ALDH1L1: variants seen among roughly 807,000 people sequenced by gnomAD.
ALDH1L1 encodes the protein cytosolic 10-formyltetrahydrofolate dehydrogenase.
A neutral mutation model predicts 101.1 loss-of-function variants in ALDH1L1; 68 were observed. The observed-to-expected ratio is 0.67, with a 90% CI of 0.55 to 0.82. ALDH1L1 has a LOEUF of 0.82. Ranked by LOEUF, ALDH1L1 falls within the 40% of genes least tolerant of loss-of-function variation. The pLI, the probability that ALDH1L1 is intolerant of heterozygous loss-of-function variation, is 0.00. For missense variants in ALDH1L1, 1,087 were observed against 1,172.7 expected (o/e 0.93, Z 1.07); for synonymous variants, 486 against 470.8 (o/e 1.03, Z -0.42).
At chr3:126,153,845 C>G (rs2080854893) in intron 6 of ALDH1L1, among the ~76,000 whole-genome samples, 1 of 152,234 alleles carries the variant, frequency 6.6e-6, no homozygotes, top group Non-Finnish European at 1.5e-5. Flanking sequence ...CCCATGGCCT[C>G]AGACCTGAGG....
chr3:126,104,204 C>G (rs1945779912), intron 22 of ALDH1L1: 1 of 308,014 alleles, frequency 3.2e-6, no homozygotes, highest in Non-Finnish European at 6.1e-6. Context: ...CTGCCCCCAG[C>G]TACGTCTGCA....
chr3:126,177,557 G>T (rs1214266753), intron 1 of ALDH1L1, among the ~76,000 whole-genome samples: 1 of 151,930 alleles, frequency 6.6e-6, no homozygotes, highest in Non-Finnish European at 1.5e-5. Context: ...AGGTAGGGGG[G>T]TTGGGGGGTG....
intron 17 of ALDH1L1, among the ~76,000 whole-genome samples, chr3:126,116,420 G>T (rs1332472775): frequency 1.3e-5 from 2 of 151,894 alleles, no homozygotes; most frequent in African/African-American, 2.4e-5. Flanking sequence ...ACTACATATT[G>T]ATGGTAAAAT....
chr3:126,157,616 G>T (rs139835693), intron 3 of ALDH1L1, 108 bp from the exon 4 acceptor site: 2 of 1,275,630 alleles, frequency 1.6e-6, no homozygotes, highest in Non-Finnish European at 2.2e-6. Context: ...TCTCTTCCCA[G>T]GGGTAGGACT....
chr3:126,133,984 A>C (rs775549938), intron 12 of ALDH1L1, among the ~76,000 whole-genome samples: 19 of 152,126 alleles, frequency 1.2e-4, no homozygotes, highest in Non-Finnish European at 2.2e-4. Context: ...ACTGCCTAGG[A>C]ACCTTGTCTA....
chr3:126,130,214 G>T lies in ALDH1L1; in HGVS notation c.1694+9C>A, dbSNP rs2080273048. 2 of 1,604,014 alleles carry T rather than the reference G, an allele frequency of 1.2e-6. No homozygotes were observed. Among genetic ancestry groups the T allele is most frequent in the Non-Finnish European group, 1.7e-6 (2 of 1,175,242 alleles). ...GCGAGGCTGCACCTCGCCCTGGGCA[G>T]GAACTCACCCAACAGGCTCCTTCCT... is the stretch of plus-strand genomic sequence containing the variant. On this transcript the variant is annotated intron_variant, in intron 14 of 22. Transcript: ENST00000393434.
At position 126,146,946 on chromosome 3, in the gene ALDH1L1, G is replaced by T; in HGVS notation, c.985-20C>A. 6.2e-7 allele frequency: 1 copy of T among 1,610,722 alleles called. No individual in the cohort carries two copies. The highest frequency in any genetic ancestry group is 8.5e-7 in the Non-Finnish European group (1 of 1,178,258). ...AACACTCTGCAAAGCAAGACCTGAT[G>T]AGAGGCTGGCCCCAGGGGAGCTGGG... On this transcript the variant is annotated intron_variant, in intron 8 of 22. Coordinates refer to ENST00000393434, the MANE Select transcript of ALDH1L1 (RefSeq NM_012190.4).
At chr3:126,141,610 G>T (rs545636692) in intron 9 of ALDH1L1, among the ~76,000 whole-genome samples, 8 of 151,830 alleles carry the variant, frequency 5.3e-5, no homozygotes, top group Admixed American at 1.3e-4. Flanking sequence ...ACAATTAATG[G>T]GTCAAAGAAG....
chr3:126,170,266 T>C (rs892964925), intron 1 of ALDH1L1, among the ~76,000 whole-genome samples: 4 of 152,100 alleles, frequency 2.6e-5, no homozygotes, highest in South Asian at 2.1e-4. Flanking sequence ...CTCACTCTAC[T>C]ATTTGCAGTA....
At chr3:126,134,341 A>G (rs993733589) in intron 12 of ALDH1L1, among the ~76,000 whole-genome samples, 3 of 152,184 alleles carry the variant, frequency 2.0e-5, no homozygotes, top group Non-Finnish European at 4.4e-5. Flanking sequence ...ATGGCAGCAG[A>G]GGCCAAGGGA....
At chr3:126,188,853 G>A (rs961215096) in intron 1 of ALDH1L1, among the ~76,000 whole-genome samples, 1 of 152,030 alleles carries the variant, frequency 6.6e-6, no homozygotes, top group African/African-American at 2.4e-5. Context: ...CCTTACCCAG[G>A]GTCCCCATGA....
chr3:126,174,611 T>G (rs1158264934), intron 1 of ALDH1L1, among the ~76,000 whole-genome samples: 1 of 151,874 alleles, frequency 6.6e-6, no homozygotes. Context: ...TGAAAAACAT[T>G]AAAAAAATGG....
At chr3:126,120,627 G>T (rs1402630937) in intron 16 of ALDH1L1, among the ~76,000 whole-genome samples, 1 of 152,158 alleles carries the variant, frequency 6.6e-6, no homozygotes, top group Non-Finnish European at 1.5e-5. Flanking sequence ...GTCAATGTAG[G>T]TCATTGTTTG....
chr3:126,131,291 G>A (rs1029870607), intron 13 of ALDH1L1, 93 bp downstream of exon 13: 130 of 1,388,540 alleles, frequency 9.4e-5, no homozygotes, highest in African/African-American at 1.6e-4. Flanking sequence ...CATTTGCTGC[G>A]CAGCATGCAG....
chr3:126,150,036 G>A (rs879367661), intron 8 of ALDH1L1, among the ~76,000 whole-genome samples: 2 of 152,202 alleles, frequency 1.3e-5, no homozygotes, highest in Admixed American at 6.5e-5. Flanking sequence ...GTCACAGCCC[G>A]GGATGCTGCC....
upstream of ALDH1L1, among the ~76,000 whole-genome samples, chr3:126,184,850 G>A (rs1478982805): frequency 6.6e-6 from 1 of 152,158 alleles, no homozygotes; most frequent in Non-Finnish European, 1.5e-5. Context: ...AAAGCGGGGA[G>A]GCCAAGTGAC....
chr3:126,174,131 C>T (rs1159123433), intron 1 of ALDH1L1, among the ~76,000 whole-genome samples: 2 of 152,208 alleles, frequency 1.3e-5, no homozygotes, highest in African/African-American at 2.4e-5. Context: ...CTCCGCCTCC[C>T]GGGTTCAAGC....
At position 126,158,634 on chromosome 3, in the gene ALDH1L1, C is replaced by T. The variant is rs2108297732; in HGVS notation, c.133G>A (p.Glu45Lys). The change falls in exon 3 of 23, where the codon GAA becomes AAA. Residue 45 changes from glutamate (E) to lysine (K), a missense_variant. Glu to Lys is a moderately conservative substitution (Grantham distance 56). Around this residue, in one of 2 missense-constraint regions of ALDH1L1, gnomAD observed 645 missense variants for 637.0 expected, o/e 1.01. Transcript: ENST00000393434. ...KDGKADPLGL[E>K]AEKDGVPVFK... is the part of the protein sequence containing the mutation. ...ACCGGCACTCCATCCTTCTCAGCTT[C>T]CAGACCTGTGGGACGGTGGATAAGA... The T allele has an allele frequency of 6.2e-7, 1 of 1,611,466 alleles. No individual in the cohort carries two copies. The highest frequency in any genetic ancestry group is 1.1e-5 in the South Asian group (1 of 91,056).
chr3:126,142,827 G>T (rs2080592384), intron 9 of ALDH1L1, among the ~76,000 whole-genome samples: 1 of 152,166 alleles, frequency 6.6e-6, no homozygotes, highest in South Asian at 2.1e-4. Context: ...CACTATAGTA[G>T]TTCCTCCTTA....
Sources: gnomAD v4.1 joint callset for allele counts (sites outside exome capture counted in the v4.1 genomes callset) on GRCh38, gnomAD v4.1.1 for gene constraint, gnomAD v4.1.1 regional missense constraint, MANE v1.5 for transcripts, NCBI Gene and HGNC (gene_info 2026-07-23, HGNC 2026-07-21) for gene names.